The following VIT variants were observed in gnomAD, a reference collection of about 807,000 sequenced individuals.
VIT encodes the protein vitrin.
Under a neutral mutation model 78.0 loss-of-function variants are expected in VIT, and 99 were observed. The ratio of observed to expected loss-of-function variants is 1.27; its 90% CI spans 1.08 to 1.50. The LOEUF (loss-of-function observed/expected upper bound fraction) is 1.50. Ranked by LOEUF, VIT falls within the 40% of genes most tolerant of loss-of-function variation. VIT has a pLI of 0.00. For missense variants in VIT, 1,126 were observed against 875.3 expected (o/e 1.29, Z -3.61); for synonymous variants, 374 against 334.3 (o/e 1.12, Z -1.29).
chr2:36,806,647 A>T (rs1315956472), intron 14 of VIT, among the ~76,000 whole-genome samples: 1 of 152,106 alleles, frequency 6.6e-6, no homozygotes, highest in Non-Finnish European at 1.5e-5. Flanking sequence ...CCCAGCTTCA[A>T]GCAATTCTCC....
chr2:36,709,271 C>G (rs1249821916), intron 1 of VIT, among the ~76,000 whole-genome samples: 1 of 152,192 alleles, frequency 6.6e-6, no homozygotes, highest in Non-Finnish European at 1.5e-5. Flanking sequence ...AGCTTCTGGA[C>G]TCAGAATGTT....
At chr2:36,729,515 C>A in intron 3 of VIT, 24 bp downstream of exon 3, 1 of 1,601,108 alleles carries the variant, frequency 6.2e-7, no homozygotes, top group Non-Finnish European at 8.5e-7. Flanking sequence ...CAATTCCTTG[C>A]TGGCATAATG....
At chr2:36,708,340 C>G (rs1357960532) in intron 1 of VIT, among the ~76,000 whole-genome samples, 1 of 152,168 alleles carries the variant, frequency 6.6e-6, no homozygotes, top group East Asian at 1.9e-4. Context: ...GATACTGGCT[C>G]TTTCTACCTC....
At chr2:36,752,599 A>G (rs1433711530) in intron 4 of VIT, among the ~76,000 whole-genome samples, 1 of 152,214 alleles carries the variant, frequency 6.6e-6, no homozygotes, top group East Asian at 1.9e-4. Flanking sequence ...TCTCCAAATT[A>G]CCATGGCTCT....
chr2:36,707,743 C>A (rs183153506), intron 1 of VIT, among the ~76,000 whole-genome samples: 1 of 152,008 alleles, frequency 6.6e-6, no homozygotes, highest in African/African-American at 2.4e-5. Flanking sequence ...TAGCCTGACT[C>A]GGAGTACATC....
At chr2:36,701,223 T>A (rs1665036453) in intron 1 of VIT, among the ~76,000 whole-genome samples, 1 of 152,128 alleles carries the variant, frequency 6.6e-6, no homozygotes, top group African/African-American at 2.4e-5. Flanking sequence ...TTTATTTCTG[T>A]CATTCTTGGA....
intron 5 of VIT, among the ~76,000 whole-genome samples, chr2:36,758,584 C>T (rs945471841): frequency 6.6e-5 from 10 of 152,150 alleles, no homozygotes; most frequent in African/African-American, 2.2e-4. Context: ...AGCCTATGAC[C>T]GGAGCACTCC....
rs1394276352 is a variant in VIT at position 36,734,723 on chromosome 2, T to TC, written c.118+5235dup. The stretch of plus-strand genomic sequence containing the variant: ...TTATCTCTTTCTCTCCTCTCTACTT[T>TC]CCCTTCTTTTTCACTTCTTTGTCTT... On this transcript the variant is annotated intron_variant, in intron 3 of 15. Transcript: ENST00000379242. Among the ~76,000 whole-genome samples the TC allele has an allele frequency of 2.0e-5, 3 of 152,192 alleles. No homozygotes were observed. The East Asian group carries it at 5.8e-4, about 29-fold the overall frequency.
intron 1 of VIT, among the ~76,000 whole-genome samples, chr2:36,706,660 T>C (rs921901929): frequency 1.3e-5 from 2 of 152,170 alleles, no homozygotes; most frequent in African/African-American, 4.8e-5. Flanking sequence ...TCAATTGGCT[T>C]CAGTTTCTTT....
intron 12 of VIT, among the ~76,000 whole-genome samples, chr2:36,787,533 G>C (rs1467187479): frequency 6.6e-6 from 1 of 152,248 alleles, no homozygotes; most frequent in Non-Finnish European, 1.5e-5. Flanking sequence ...ATATTTATTT[G>C]TCTGGAAAAC....
intron 12 of VIT, among the ~76,000 whole-genome samples, chr2:36,795,161 C>G (rs192801126): frequency 1.3e-5 from 2 of 152,268 alleles, no homozygotes; most frequent in Admixed American, 6.5e-5. Flanking sequence ...TCCTCATGAT[C>G]TCTGGATTCT....
At chr2:36,777,014 A>T (rs60857073) in intron 9 of VIT, among the ~76,000 whole-genome samples, 2 of 142,500 alleles carry the variant, frequency 1.4e-5, no homozygotes, top group South Asian at 2.3e-4. Context: ...GCATGAACCC[A>T]GGAGGCGGAG....
intron 9 of VIT, 89 bp downstream of exon 9, chr2:36,775,156 C>T: frequency 6.8e-7 from 1 of 1,475,338 alleles, no homozygotes; most frequent in Non-Finnish European, 9.2e-7. Flanking sequence ...CACACTTGTT[C>T]TTGGCCTCTG....
chr2:36,742,602 C>T (rs1667900750), intron 3 of VIT, among the ~76,000 whole-genome samples: 2 of 152,180 alleles, frequency 1.3e-5, no homozygotes, highest in South Asian at 2.1e-4. Context: ...CCCTACCAAT[C>T]TACCATCCTC....
At chr2:36,806,355 C>T (rs184994143) in intron 14 of VIT, among the ~76,000 whole-genome samples, 106 of 152,324 alleles carry the variant, frequency 7.0e-4, no homozygotes, top group African/African-American at 2.5e-3. Flanking sequence ...TCCTGCACCA[C>T]CTCAAACTGA....
intron 1 of VIT, among the ~76,000 whole-genome samples, chr2:36,704,570 G>A (rs1446268394): frequency 6.6e-6 from 1 of 152,154 alleles, no homozygotes; most frequent in African/African-American, 2.4e-5. Context: ...ACATTAGGTG[G>A]TTGCCTTTGG....
chr2:36,795,614 C>T (rs1222596436), intron 12 of VIT, among the ~76,000 whole-genome samples: 2 of 152,072 alleles, frequency 1.3e-5, no homozygotes, highest in East Asian at 1.9e-4. Flanking sequence ...TGGGTTTCAT[C>T]ATATTGATCA....
At chr2:36,706,571 G>A (rs1665438280) in intron 1 of VIT, among the ~76,000 whole-genome samples, 2 of 152,082 alleles carry the variant, frequency 1.3e-5, no homozygotes, top group African/African-American at 2.4e-5. Flanking sequence ...TCTTATTCAG[G>A]GCCCCATATG....
intron 1 of VIT, among the ~76,000 whole-genome samples, chr2:36,702,780 G>A (rs1022389432): frequency 2.0e-5 from 3 of 152,142 alleles, no homozygotes; most frequent in Admixed American, 6.5e-5. Context: ...TTCCCATAGG[G>A]CATGTCTATG....
Sources: gnomAD v4.1 joint callset for allele counts (sites outside exome capture counted in the v4.1 genomes callset) on GRCh38, gnomAD v4.1.1 for gene constraint, MANE v1.5 for transcripts, NCBI Gene and HGNC (gene_info 2026-07-23, HGNC 2026-07-21) for gene names.